The following VIPR2 variants were observed in gnomAD, a reference collection of about 807,000 sequenced individuals.
The protein encoded by VIPR2 is vasoactive intestinal polypeptide receptor 2.
Under a neutral mutation model 58.0 loss-of-function variants are expected in VIPR2, and 48 were observed. That is an observed-to-expected ratio of 0.83 (90% confidence interval 0.66 to 1.05). The LOEUF (loss-of-function observed/expected upper bound fraction) is 1.05, where lower values mean the gene tolerates loss of function less well. VIPR2 is among the 50% of genes least tolerant of loss of function. VIPR2 has a pLI of 0.00. For synonymous variants in VIPR2, 243 were observed against 235.2 expected (o/e 1.03, Z -0.30); for missense variants, 534 against 558.0 (o/e 0.96, Z 0.43).
In VIPR2 at chr7:159,036,917, C is replaced by CA; in HGVS notation, c.598-16dup. Reference sequence around the variant, plus strand: ...TTGCAGCCCACCTGGAAACCGCAAACAGAGGAGAGGAAAGCATGACCTCAT... The same window carrying CA: ...TTGCAGCCCACCTGGAAACCGCAAACAAGAGGAGAGGAAAGCATGACCTCAT... On this transcript the variant is annotated splice_polypyrimidine_tract_variant and intron_variant, in intron 6 of 12. Transcript: ENST00000262178. 6.2e-7 allele frequency: 1 copy of CA among 1,608,868 alleles called. No individual in the cohort carries two copies. Among genetic ancestry groups the CA allele is most frequent in the Non-Finnish European group, 8.5e-7 (1 of 1,176,448 alleles).
chr7:159,036,289 A>G (rs1853949369), intron 7 of VIPR2, among the ~76,000 whole-genome samples: 1 of 152,046 alleles, frequency 6.6e-6, no homozygotes, highest in African/African-American at 2.4e-5. Flanking sequence ...ACGTGCGGAG[A>G]AGGAGATGTG....
Position 159,043,110 on chromosome 7 carries a change from G to C in VIPR2, c.522C>G (p.Ile174Met). 6.2e-7 allele frequency: 1 copy of C among 1,614,078 alleles called. No homozygotes were observed. ...NLFLSFILRA[I>M]SVLVKDDVLY... ...GAACGTCGTCCTTGACCAGCACTGA[G>C]ATGGCTCTCAGGATGAAGGACAGGA... Residue 174 changes from isoleucine (I) to methionine (M), a missense_variant, in exon 6 of 13, where the codon ATC becomes ATG. By Grantham distance (10) the Ile-to-Met change is conservative. Transcript: ENST00000262178.
At chr7:159,126,778 G>T (rs1796665194) in intron 2 of VIPR2, among the ~76,000 whole-genome samples, 1 of 152,208 alleles carries the variant, frequency 6.6e-6, no homozygotes, top group Non-Finnish European at 1.5e-5. Flanking sequence ...ATTCAGCATG[G>T]TTTTCAGACA....
chr7:159,143,510 T>C (rs1239554938), intron 1 of VIPR2, among the ~76,000 whole-genome samples: 1 of 152,168 alleles, frequency 6.6e-6, no homozygotes, highest in African/African-American at 2.4e-5. Context: ...AGGAACACAA[T>C]ATCCTAACAG....
At chr7:159,061,147 C>G (rs1032007777) in intron 4 of VIPR2, among the ~76,000 whole-genome samples, 1 of 152,006 alleles carries the variant, frequency 6.6e-6, no homozygotes, top group African/African-American at 2.4e-5. Context: ...CCAAATACCA[C>G]GTGTTCTCGT....
rs755576580 is a variant in VIPR2, at chr7:159,109,530, C to G, written c.259+282G>C. Among the ~76,000 whole-genome samples, 104 of 152,328 alleles carry G rather than the reference C, an allele frequency of 6.8e-4. 1 individual carries two copies. Among genetic ancestry groups the G allele is most frequent in the Middle Eastern group, 3.4e-3 (1 of 294 alleles). ...TTAGGGCCCCCTTGCCTCCCCTCCC[C>G]TCTCATGCACGTTTCCCGTGCTTTG... On this transcript the variant is annotated intron_variant, in intron 3 of 12. Transcript: ENST00000262178.
In VIPR2 at chr7:159,109,883, C is replaced by T. The variant is rs376902530; in HGVS notation, c.188G>A (p.Arg63Gln). ...GACGGTCTCTCCCACATTGGCAGGCCGCCAGCACGTGATGTTGTCCCAGAC... is the reference window on the plus strand; with the variant it reads ...GACGGTCTCTCCCACATTGGCAGGCTGCCAGCACGTGATGTTGTCCCAGAC... Reference protein sequence around the residue: ...SGVWDNITCWRPANVGETVTV... With the variant: ...SGVWDNITCWQPANVGETVTV... Residue 63 changes from arginine to glutamine, a missense_variant, in exon 3 of 13, where the codon CGG becomes CAG. Around this residue, in one of 3 missense-constraint regions of VIPR2, gnomAD observed 224 missense variants for 255.7 expected, o/e 0.88. Transcript: ENST00000262178. 34 of 1,613,888 alleles carry T rather than the reference C, an allele frequency of 2.1e-5. No homozygotes were observed. Among genetic ancestry groups the T allele is most frequent in the South Asian group, 6.6e-5 (6 of 91,082 alleles).
Position 159,097,322 on chromosome 7 carries a change from G to C in VIPR2, c.357+6435C>G. On this transcript the variant is annotated intron_variant, in intron 4 of 12. Coordinates refer to ENST00000262178, the MANE Select transcript of VIPR2 (RefSeq NM_003382.5). This position sits in a 1 kb window ranked among gnomAD's most constrained non-coding sequence, Gnocchi z 5.3. ...TGTGCACTTGAAGCATGGGGAGGCC[G>C]AAATGCCAAACAGTTCTCTTGGCTA... is the stretch of plus-strand genomic sequence containing the variant. 2.4e-6 allele frequency: 3 copies of C among 1,241,492 alleles called. No homozygotes were observed. The highest frequency in any genetic ancestry group is 3.1e-6 in the Non-Finnish European group (3 of 964,344). 76.9% of individuals were successfully genotyped at this position (1,241,492 alleles called of 1,614,324 possible). A position where few individuals can be genotyped will look rare whatever the true frequency, so the allele number is the denominator to read the frequency against.
rs2129495666 is a variant in VIPR2 at position 159,098,913 on chromosome 7, ACT to A, written c.357+4842_357+4843del. 6.6e-6 allele frequency among the ~76,000 whole-genome samples: 1 copy of A among 152,240 alleles called. No homozygotes were observed. The highest frequency in any genetic ancestry group is 1.9e-4 in the East Asian group (1 of 5,154). ...GAAGCGTGAGCTCCGGGCAGGAGAA[ACT>A]CTGTTCAGTTCAGCTCCCAGGCAGC... On this transcript the variant is annotated intron_variant, in intron 4 of 12. Transcript: ENST00000262178. This position sits in a 1 kb window ranked among gnomAD's most constrained non-coding sequence, Gnocchi z 5.2.
At chr7:159,108,006 G>A (rs1013243575) in intron 3 of VIPR2, among the ~76,000 whole-genome samples, 9 of 152,182 alleles carry the variant, frequency 5.9e-5, no homozygotes, top group African/African-American at 2.2e-4. Flanking sequence ...ACTTATTTCT[G>A]GAACACCTGG....
Position 159,113,984 on chromosome 7 carries a change from A to G in VIPR2, c.152-4065T>C, listed in dbSNP as rs141313179. 9.8e-5 allele frequency among the ~76,000 whole-genome samples: 15 copies of G among 152,354 alleles called. No individual in the cohort carries two copies. In the East Asian group the frequency reaches 2.7e-3, roughly 27 times the overall value. ...GGATGACGAGGGGCCGGAGACTATT[A>G]TCTTCATACAGCCTTGTAGTATCAT... On this transcript the variant is annotated intron_variant, in intron 2 of 12. Coordinates refer to ENST00000262178, the MANE Select transcript of VIPR2 (RefSeq NM_003382.5).
intron 4 of VIPR2, among the ~76,000 whole-genome samples, chr7:159,069,666 T>C (rs999625186): frequency 1.3e-5 from 2 of 152,116 alleles, no homozygotes; most frequent in African/African-American, 4.8e-5. Flanking sequence ...TTTGTACGGA[T>C]CCTTCCTGGT....
At chr7:159,066,327 C>T (rs1167665589) in intron 4 of VIPR2, among the ~76,000 whole-genome samples, 2 of 149,722 alleles carry the variant, frequency 1.3e-5, no homozygotes, top group African/African-American at 5.0e-5. Context: ...AGGATGCCTG[C>T]TTCCACAACG....
chr7:159,143,697 T>C (rs370943292), intron 1 of VIPR2, among the ~76,000 whole-genome samples: 71 of 152,338 alleles, frequency 4.7e-4, no homozygotes, highest in African/African-American at 1.6e-3. Context: ...GGAAATTATA[T>C]TGATGTAAAA....
intron 1 of VIPR2, 151 bp downstream of exon 1, chr7:159,144,570 C>G: frequency 7.0e-7 from 1 of 1,431,736 alleles, no homozygotes; most frequent in Non-Finnish European, 9.2e-7. Context: ...GGAGGAAGCT[C>G]CGGACCCCGG....
Position 159,031,863 on chromosome 7 carries a change from C to A in VIPR2, c.1108G>T (p.Val370Leu), listed in dbSNP as rs755778828. The A allele has an allele frequency of 8.7e-6, 14 of 1,614,060 alleles. No homozygotes were observed. The highest frequency in any genetic ancestry group is 1.2e-5 in the Non-Finnish European group (14 of 1,180,036). ...AGGAAACAGTAGAGGACGGCCACCA[C>A]CAGGCCCTGCAATGAGAAGAGATGG... is the stretch of plus-strand genomic sequence containing the variant. ...ELCLGSFQGL[V>L]VAVLYCFLNS... The change falls in exon 12 of 13, where the codon GTG becomes TTG. Residue 370 changes from valine (V) to leucine (L), a missense_variant. Val to Leu is a conservative substitution (Grantham distance 32). Coordinates refer to ENST00000262178, the MANE Select transcript of VIPR2 (RefSeq NM_003382.5). The surrounding 1 kb of genome is among the most constrained non-coding windows in gnomAD (Gnocchi z 4.0).
At chr7:159,131,251 T>C (rs2129497486) in intron 2 of VIPR2, among the ~76,000 whole-genome samples, 1 of 152,326 alleles carries the variant, frequency 6.6e-6, no homozygotes, top group African/African-American at 2.4e-5. Flanking sequence ...CCTTATCTCC[T>C]GTGTAAAGGC....
intron 1 of VIPR2, chr7:159,144,400 C>A (rs1278687388): frequency 1.3e-6 from 2 of 1,545,686 alleles, no homozygotes; most frequent in South Asian, 2.4e-5. Flanking sequence ...TCCCAGCTCC[C>A]GGGACGGCCC....
chr7:159,055,412 T>C (rs1341045161), intron 5 of VIPR2, among the ~76,000 whole-genome samples: 10 of 152,242 alleles, frequency 6.6e-5, no homozygotes, highest in South Asian at 6.2e-4. Context: ...GAACATATAC[T>C]GCATTAGCAA....
Sources: gnomAD v4.1 joint callset for allele counts (sites outside exome capture counted in the v4.1 genomes callset) on GRCh38, gnomAD v4.1.1 for gene constraint, gnomAD v4.1.1 regional missense constraint, Gnocchi (gnomAD v3.1) non-coding constraint, MANE v1.5 for transcripts, NCBI Gene and HGNC (gene_info 2026-07-23, HGNC 2026-07-21) for gene names.